The following ZNF99 variants were observed in gnomAD, a reference collection of about 807,000 sequenced individuals.
ZNF99 encodes zinc finger protein ENSP00000375192.
Under a neutral mutation model 12.8 loss-of-function variants are expected in ZNF99, and 8 were observed. The ratio of observed to expected loss-of-function variants is 0.62; its 90% CI spans 0.37 to 1.13. The LOEUF (loss-of-function observed/expected upper bound fraction) is 1.13. Among genes scored for constraint, ZNF99 ranks in the 50% most tolerant of loss-of-function variants. The probability of loss-of-function intolerance (pLI) is 0.02; values close to 1 mark genes in which losing one functional copy is unlikely to be tolerated. For missense variants in ZNF99, 1,007 were observed against 1,006.2 expected, an observed-to-expected ratio of 1.00 and a Z score of -0.01; for synonymous variants, 318 against 319.0, an observed-to-expected ratio of 1.00 and a Z score of 0.03.
At chr19:22,778,971 C>T (rs142433458) in intron 1 of ZNF99, among the ~76,000 whole-genome samples, 3,349 of 151,020 alleles carry the variant, frequency 0.022, 123 homozygotes, top group African/African-American at 0.076. Flanking sequence ...TGTGCCATTG[C>T]ACTCAAGCCT....
chr19:22,765,861 T>C (rs1973197981), intron 3 of ZNF99, among the ~76,000 whole-genome samples: 1 of 151,694 alleles, frequency 6.6e-6, no homozygotes, highest in Non-Finnish European at 1.5e-5. Flanking sequence ...TGTTGAAAAA[T>C]AAAATGATGC....
chr19:22,778,232 G>C (rs1973350836), intron 1 of ZNF99, among the ~76,000 whole-genome samples: 1 of 151,894 alleles, frequency 6.6e-6, no homozygotes. Flanking sequence ...CCTGGGAGGA[G>C]ACCTGAAATC....
Position 22,759,432 on chromosome 19 carries a change from A to C in ZNF99, c.477T>G (p.Asn159Lys), listed in dbSNP as rs1973125348. The C allele has an allele frequency of 7.5e-6, 12 of 1,590,044 alleles. No homozygotes were observed. In the East Asian group the frequency reaches 2.7e-4, roughly 36 times the overall value. ...TGTGTCTAATCTTATATCTATTTGA[A>C]TTTGAATATTTATGAAAGACTTTCA... The part of the protein sequence containing the change: ...KYVKVFHKYS[N>K]SNRYKIRHTK... Residue 159 changes from asparagine to lysine, a missense_variant, in exon 4 of 4, where the codon AAT becomes AAG. Transcript: ENST00000596209.
chr19:22,781,403 C>CTT (rs35970718), intron 1 of ZNF99, among the ~76,000 whole-genome samples: 6,098 of 87,752 alleles, frequency 0.069, 213 homozygotes, highest in Admixed American at 0.077. Flanking sequence ...ATTGGGGTCA[C>CTT]TTTTTTTTTT....
chr19:22,767,947 T>C (rs556051967), intron 3 of ZNF99, among the ~76,000 whole-genome samples: 6 of 152,296 alleles, frequency 3.9e-5, no homozygotes, highest in African/African-American at 1.2e-4. Flanking sequence ...ATAGAGCAAG[T>C]GTGAGGTAAA....
chr19:22,756,372 T>C lies in ZNF99; in HGVS notation c.*942A>G. 1 of 1,596,884 alleles carries C rather than the reference T, an allele frequency of 6.3e-7. No homozygotes were observed. Among genetic ancestry groups the C allele is most frequent in the Non-Finnish European group, 8.5e-7 (1 of 1,174,376 alleles). On this transcript the variant is annotated 3_prime_UTR_variant, in exon 4 of 4. Coordinates refer to ENST00000596209, the MANE Select transcript of ZNF99 (RefSeq NM_001080409.3). ...AAGGCTTTGCCACATTCTTCACATT[T>C]GTAGGGTTTCTCTCCAGAATGAATT...
At position 22,754,302 on chromosome 19, in the gene ZNF99, G is replaced by A. The variant is rs540357294; in HGVS notation, c.*3012C>T. On this transcript the variant is annotated 3_prime_UTR_variant, in exon 4 of 4. Coordinates refer to ENST00000596209, the MANE Select transcript of ZNF99 (RefSeq NM_001080409.3). ...GAATCGCTTGAACCCAGGAGGCGGA[G>A]GTTGCAATGAACTGAGATTGCACCA... is the stretch of plus-strand genomic sequence containing the variant. 63 of 429,918 alleles carry A rather than the reference G, an allele frequency of 1.5e-4. No individual in the cohort carries two copies. Among genetic ancestry groups the A allele is most frequent in the African/African-American group, 1.2e-3 (57 of 48,606 alleles). 26.6% of individuals were successfully genotyped at this position (429,918 alleles called of 1,614,324 possible).
In ZNF99 at chr19:22,781,991, T is replaced by G. The variant is rs34627660; in HGVS notation, c.3+2023A>C. Among the ~76,000 whole-genome samples, 8 of 149,954 alleles carry G rather than the reference T, an allele frequency of 5.3e-5. No individual in the cohort carries two copies. The South Asian group carries it at 1.1e-3, about 20-fold the overall frequency. ...GGCACAAAGATTTTTTACAACACAG[T>G]GTCAGGGGATTATTTTTTGCTTTCT... On this transcript the variant is annotated intron_variant, in intron 1 of 3. Transcript: ENST00000596209.
chr19:22,757,907 T>C lies in ZNF99; in HGVS notation c.2002A>G (p.Lys668Glu). 6.2e-7 allele frequency: 1 copy of C among 1,612,354 alleles called. No individual in the cohort carries two copies. Among genetic ancestry groups the C allele is most frequent in the Non-Finnish European group, 8.5e-7 (1 of 1,179,016 alleles). ...GGTTTCTCTTCAGTATGAATTACTT[T>C]ATGTCTAGTAAGGTGTGAGGACCAC... is the stretch of plus-strand genomic sequence containing the variant. Reference protein sequence around the residue: ...FKWSSHLTRHKVIHTEEKPYK... With the variant: ...FKWSSHLTRHEVIHTEEKPYK... Residue 668 changes from lysine (K) to glutamate (E), a missense_variant, in exon 4 of 4, where the codon AAA becomes GAA. Lys to Glu is a moderately conservative substitution (Grantham distance 56). Transcript: ENST00000596209.
rs1491379274 is a variant in ZNF99 at position 22,755,072 on chromosome 19, TCA to T, written c.*2240_*2241del. ...TGGGCAACTAGGGCGAAACTCTGTT[TCA>T]AAAAAAAAAAAAAAAAAATTGAAGA... is the stretch of plus-strand genomic sequence containing the variant. On this transcript the variant is annotated 3_prime_UTR_variant, in exon 4 of 4. Transcript: ENST00000596209. 0.028 allele frequency: 1,096 copies of T among 39,004 alleles called. 10 individuals are homozygous for T. Among genetic ancestry groups the T allele is most frequent in the African/African-American group, 0.12 (1,031 of 8,558 alleles). The allele number at this position is 39,004 out of a possible 1,614,324, so 2.4% of individuals were successfully genotyped here.
At chr19:22,775,688 T>TA (rs1357375487) in intron 1 of ZNF99, among the ~76,000 whole-genome samples, 1 of 152,156 alleles carries the variant, frequency 6.6e-6, no homozygotes, top group Non-Finnish European at 1.5e-5. Flanking sequence ...CTAGAATCCA[T>TA]AAAAAACTGA....
Position 22,754,144 on chromosome 19 carries a change from A to G in ZNF99, c.*3170T>C, listed in dbSNP as rs1191210230. On this transcript the variant is annotated 3_prime_UTR_variant, in exon 4 of 4. Transcript: ENST00000596209. ...CACTTTGGGAGGCCAAGGCGGGTGG[A>G]TCACTTGAGGTCAGGAGTTCAAAAC... The G allele has an allele frequency of 1.5e-5, 7 of 453,862 alleles. No homozygotes were observed. Among genetic ancestry groups the G allele is most frequent in the South Asian group, 1.1e-4 (7 of 64,424 alleles). 28.1% of individuals were successfully genotyped at this position (453,862 alleles called of 1,614,324 possible). A position where few individuals can be genotyped will look rare whatever the true frequency, so the allele number is the denominator to read the frequency against.
Position 22,756,936 on chromosome 19 carries a change from T to G in ZNF99, c.*378A>C, listed in dbSNP as rs774754652. 1 of 1,612,188 alleles carries G rather than the reference T, an allele frequency of 6.2e-7. No individual in the cohort carries two copies. The highest frequency in any genetic ancestry group is 2.2e-5 in the East Asian group (1 of 44,810). On this transcript the variant is annotated 3_prime_UTR_variant, in exon 4 of 4. Coordinates refer to ENST00000596209, the MANE Select transcript of ZNF99 (RefSeq NM_001080409.3). Reference sequence around the variant, plus strand: ...AAGTTTTGAGACCACTTAAAAGCTTTACCACATTCTTCACATTTGTATGGT... The same window carrying G: ...AAGTTTTGAGACCACTTAAAAGCTTGACCACATTCTTCACATTTGTATGGT...
chr19:22,759,098 T>G lies in ZNF99; in HGVS notation c.811A>C (p.Thr271Pro). ...TGAATTATCTTATGTTTCATAAGGG[T>G]TGAGGAATTGTTAAAAACTTTGCCA... is the stretch of plus-strand genomic sequence containing the variant. ...ECGKVFNNSS[T>P]LMKHKIIHTG... The change falls in exon 4 of 4, where the codon ACC (threonine) becomes CCC (proline). Residue 271 changes from threonine (T) to proline (P), a missense_variant. Coordinates refer to ENST00000596209, the MANE Select transcript of ZNF99 (RefSeq NM_001080409.3). 1 of 1,612,966 alleles carries G rather than the reference T, an allele frequency of 6.2e-7. No homozygotes were observed.
At chr19:22,760,884 TA>T (rs5827535) in intron 3 of ZNF99, among the ~76,000 whole-genome samples, 1,893 of 118,256 alleles carry the variant, frequency 0.016, 17 homozygotes, top group Non-Finnish European at 0.024. Context: ...ATTCTTTATC[TA>T]AAAAAAAAAA....
intron 1 of ZNF99, among the ~76,000 whole-genome samples, chr19:22,781,250 C>G (rs139448711): frequency 2.1e-4 from 32 of 152,082 alleles, no homozygotes; most frequent in African/African-American, 7.2e-4. Flanking sequence ...ATTCATGTGT[C>G]AAGTCAGGCC....
In ZNF99 at chr19:22,759,136, T is replaced by G. The variant is rs6511379; in HGVS notation, c.773A>C (p.Lys258Thr). The G allele has an allele frequency of 0.041, 66,342 of 1,611,328 alleles. 3,937 individuals carry two copies. The highest frequency in any genetic ancestry group is 0.29 in the African/African-American group (21,658 of 74,926). ...KIIHTGKKPC[K>T]CEECGKVFNN... is the part of the protein sequence containing the mutation. ...AAAAACTTTGCCACATTCTTCACATTTGCAGGGTTTCTTTCCAGTATGAAT... is the reference window on the plus strand; with the variant it reads ...AAAAACTTTGCCACATTCTTCACATGTGCAGGGTTTCTTTCCAGTATGAAT... Residue 258 changes from lysine (K) to threonine (T), a missense_variant, in exon 4 of 4, where the codon AAA becomes ACA. Lys to Thr is a moderately conservative substitution (Grantham distance 78). Coordinates refer to ENST00000596209, the MANE Select transcript of ZNF99 (RefSeq NM_001080409.3).
In ZNF99 at chr19:22,754,072, T is replaced by A. The variant is rs1186012054; in HGVS notation, c.*3242A>T. ...ATAACTTATTAAAAACTTTGCCACA[T>A]TCGACCGGGCTCAATGGCTCATGCT... On this transcript the variant is annotated 3_prime_UTR_variant, in exon 4 of 4. Transcript: ENST00000596209. The A allele has an allele frequency of 8.8e-6, 4 of 455,726 alleles. No individual in the cohort carries two copies. The highest frequency in any genetic ancestry group is 1.8e-5 in the Non-Finnish European group (4 of 226,806). 28.2% of individuals were successfully genotyped at this position (455,726 alleles called of 1,614,324 possible).
rs976502542 is a variant in ZNF99 at position 22,784,080 on chromosome 19, G to T, written c.-64C>A. On this transcript the variant is annotated 5_prime_UTR_variant, in exon 1 of 4. Transcript: ENST00000596209. ...ATCTCCAAATACCTACAGGTCACAG[G>T]GCCACAGAGGCTAAGGACACAGAGC... 3 of 1,588,578 alleles carry T rather than the reference G, an allele frequency of 1.9e-6. No individual in the cohort carries two copies. The Admixed American group carries it at 5.0e-5, about 27-fold the overall frequency.
Sources: allele counts gnomAD v4.1 joint callset (sites outside exome capture counted in the v4.1 genomes callset), GRCh38; gene constraint gnomAD v4.1.1; transcripts MANE v1.5; gene names NCBI Gene and HGNC (gene_info 2026-07-23, HGNC 2026-07-21).